The following HS1BP3 variants were observed in gnomAD, a reference collection of about 807,000 sequenced individuals.
HS1BP3 encodes the protein HCLS1-binding protein 3.
Under a neutral mutation model 33.5 loss-of-function variants are expected in HS1BP3, and 32 were observed. The ratio of observed to expected loss-of-function variants is 0.95; its 90% CI spans 0.72 to 1.28. The LOEUF (loss-of-function observed/expected upper bound fraction) is 1.28, where lower values mean the gene tolerates loss of function less well. Ranked by LOEUF, HS1BP3 falls within the 50% of genes most tolerant of loss-of-function variation. The pLI, the probability that HS1BP3 is intolerant of heterozygous loss-of-function variation, is 0.00. For missense variants in HS1BP3, 486 were observed against 502.3 expected (o/e 0.97, Z 0.31); for synonymous variants, 187 against 209.2 (o/e 0.89, Z 0.92).
intron 4 of HS1BP3, 74 bp from the exon 5 acceptor site, chr2:20,624,966 G>A (rs1043458425): frequency 1.3e-6 from 2 of 1,545,568 alleles, no homozygotes; most frequent in African/African-American, 2.7e-5. Flanking sequence ...GACCGACACA[G>A]GCGCTGGGCC....
intron 4 of HS1BP3, 21 bp downstream of exon 4, chr2:20,638,413 CCT>C (rs762851709): frequency 2.5e-6 from 4 of 1,604,548 alleles, no homozygotes; most frequent in Non-Finnish European, 3.4e-6. Context: ...CCAAAGGGGC[CCT>C]CTCAACAACA....
intron 5 of HS1BP3, among the ~76,000 whole-genome samples, chr2:20,561,406 A>C (rs886202917): frequency 6.6e-6 from 1 of 152,212 alleles, no homozygotes; most frequent in African/African-American, 2.4e-5. Context: ...AGCAGTAAAT[A>C]AATGGGCCTC....
chr2:20,576,591 A>T (rs1279936813), intron 5 of HS1BP3, among the ~76,000 whole-genome samples: 1 of 152,222 alleles, frequency 6.6e-6, no homozygotes, highest in Non-Finnish European at 1.5e-5. Flanking sequence ...TGGGAACAGG[A>T]TCGCCTCCCT....
At chr2:20,604,814 ACT>A (rs1416041315) in intron 2 of HS1BP3, among the ~76,000 whole-genome samples, 1 of 151,692 alleles carries the variant, frequency 6.6e-6, no homozygotes, top group Non-Finnish European at 1.5e-5. Flanking sequence ...CCTGAGAGAG[ACT>A]CTGCCACGGA....
At chr2:20,612,664 T>C (rs1694340075) in intron 2 of HS1BP3, among the ~76,000 whole-genome samples, 1 of 152,254 alleles carries the variant, frequency 6.6e-6, no homozygotes, top group Admixed American at 6.5e-5. Context: ...TGTGATCTAA[T>C]AATATTCCAT....
chr2:20,609,876 C>A (rs1277169349), intron 2 of HS1BP3, among the ~76,000 whole-genome samples: 1 of 152,080 alleles, frequency 6.6e-6, no homozygotes, highest in East Asian at 1.9e-4. Flanking sequence ...GGACTGGAAA[C>A]CCCTCCCACC....
intron 2 of HS1BP3, among the ~76,000 whole-genome samples, chr2:20,610,208 A>C (rs1206604748): frequency 6.6e-6 from 1 of 152,216 alleles, no homozygotes; most frequent in Non-Finnish European, 1.5e-5. Flanking sequence ...ACATGGACAC[A>C]TGGACGCCTC....
At chr2:20,646,543 T>G (rs1695525096) in intron 1 of HS1BP3, among the ~76,000 whole-genome samples, 1 of 152,250 alleles carries the variant, frequency 6.6e-6, no homozygotes, top group Non-Finnish European at 1.5e-5. Context: ...GCGTCTCCTA[T>G]GCCATGTATG....
At position 20,628,841 on chromosome 2, in the gene HS1BP3, G is replaced by A. The variant is rs539086721; in HGVS notation, c.624-3949C>T. ...GAGAGTCACACTGTGAGGGTCTGCAGCGGGCGTGACTAGGACATAACTGGG... is the reference window on the plus strand; with the variant it reads ...GAGAGTCACACTGTGAGGGTCTGCAACGGGCGTGACTAGGACATAACTGGG... On this transcript the variant is annotated intron_variant, in intron 4 of 6. Coordinates refer to ENST00000304031, the MANE Select transcript of HS1BP3 (RefSeq NM_022460.4). Among the ~76,000 whole-genome samples, 4 of 152,262 alleles carry A rather than the reference G, an allele frequency of 2.6e-5. No individual in the cohort carries two copies. In the East Asian group the frequency reaches 7.7e-4, roughly 29 times the overall value.
At position 20,622,484 on chromosome 2, in the gene HS1BP3, G is replaced by A. The variant is rs1183205363; in HGVS notation, c.920+1412C>T. 1.7e-5 allele frequency: 7 copies of A among 407,620 alleles called. No individual in the cohort carries two copies. The Admixed American group carries it at 1.8e-4, about 11-fold the overall frequency. The allele number at this position is 407,620 out of a possible 1,614,324, so 25.3% of individuals were successfully genotyped here. On this transcript the variant is annotated intron_variant, in intron 6 of 6. Coordinates refer to ENST00000304031, the MANE Select transcript of HS1BP3 (RefSeq NM_022460.4). ...GGGGGGCCCAGGGATGAATGAGAAC[G>A]TGAAGTGCCATGTGGTGCTGGCCCG...
At chr2:20,583,923 GGC>G (rs1572304304) in intron 5 of HS1BP3, among the ~76,000 whole-genome samples, 2 of 152,298 alleles carry the variant, frequency 1.3e-5, no homozygotes, top group South Asian at 4.1e-4. Context: ...ATATGGAGAT[GGC>G]ATTTCCTATC....
chr2:20,565,944 C>T (rs982222651), intron 5 of HS1BP3, among the ~76,000 whole-genome samples: 14 of 152,226 alleles, frequency 9.2e-5, no homozygotes, highest in Admixed American at 5.2e-4. Flanking sequence ...CATGGCTGAG[C>T]GCTCCAAGCT....
intron 5 of HS1BP3, among the ~76,000 whole-genome samples, chr2:20,575,789 G>A (rs1200332381): frequency 2.0e-5 from 3 of 149,192 alleles, no homozygotes; most frequent in African/African-American, 7.7e-5. Flanking sequence ...GGCTACCCCA[G>A]CAAGGGAGGA....
At chr2:20,620,562 G>C (rs189669947) in intron 6 of HS1BP3, among the ~76,000 whole-genome samples, 1 of 152,172 alleles carries the variant, frequency 6.6e-6, no homozygotes, top group Non-Finnish European at 1.5e-5. Flanking sequence ...ACTGCTGCAC[G>C]GAACTGTACA....
chr2:20,650,289 A>C (rs1695652054), intron 1 of HS1BP3, among the ~76,000 whole-genome samples: 1 of 152,114 alleles, frequency 6.6e-6, no homozygotes, highest in Non-Finnish European at 1.5e-5. Context: ...AAAATATTTG[A>C]AGTAAATCAC....
chr2:20,564,609 G>A (rs1291050018), intron 5 of HS1BP3, among the ~76,000 whole-genome samples: 2 of 152,020 alleles, frequency 1.3e-5, no homozygotes, highest in Non-Finnish European at 2.9e-5. Context: ...TTAGCCACCC[G>A]AATAACTGGG....
chr2:20,599,000 G>T (rs1429762122), intron 2 of HS1BP3, among the ~76,000 whole-genome samples: 1 of 152,220 alleles, frequency 6.6e-6, no homozygotes, highest in Admixed American at 6.5e-5. Flanking sequence ...GCTAGGGAGG[G>T]CAGTGGGGAG....
At chr2:20,605,151 A>G (rs1356051919) in intron 2 of HS1BP3, among the ~76,000 whole-genome samples, 1 of 152,200 alleles carries the variant, frequency 6.6e-6, no homozygotes, top group South Asian at 2.1e-4. Context: ...GACAAGTCCC[A>G]GCTCTTATTA....
chr2:20,607,948 C>T (rs1048662620), intron 2 of HS1BP3, among the ~76,000 whole-genome samples: 7 of 152,124 alleles, frequency 4.6e-5, no homozygotes, highest in African/African-American at 1.7e-4. Flanking sequence ...ACATAGTTTT[C>T]AATGTTCAAG....
Sources: allele counts gnomAD v4.1 joint callset (sites outside exome capture counted in the v4.1 genomes callset), GRCh38; gene constraint gnomAD v4.1.1; transcripts MANE v1.5; gene names NCBI Gene and HGNC (gene_info 2026-07-23, HGNC 2026-07-21).